The following CDH4 variants were observed in gnomAD, a reference collection of about 807,000 sequenced individuals.
CDH4 encodes cadherin-4.
Under a neutral mutation model 86.0 loss-of-function variants are expected in CDH4, and 33 were observed. The ratio of observed to expected loss-of-function variants is 0.38; its 90% CI spans 0.29 to 0.51. The LOEUF (loss-of-function observed/expected upper bound fraction) is 0.51, where lower values mean the gene tolerates loss of function less well. Among genes scored for constraint, CDH4 ranks in the 20% least tolerant of loss-of-function variants. The pLI is 0.86. For missense variants in CDH4, 1,114 were observed against 1,307.4 expected (o/e 0.85, Z 2.28); for synonymous variants, 555 against 549.4 (o/e 1.01, Z -0.14).
At chr20:61,654,304 A>G (rs1399385472) in intron 2 of CDH4, among the ~76,000 whole-genome samples, 1 of 152,200 alleles carries the variant, frequency 6.6e-6, no homozygotes, top group Non-Finnish European at 1.5e-5. Flanking sequence ...ACGCGCCTGC[A>G]ATCGCAAGCA....
intron 2 of CDH4, among the ~76,000 whole-genome samples, chr20:61,258,545 A>G (rs1018709717): frequency 1.3e-5 from 2 of 152,076 alleles, no homozygotes; most frequent in African/African-American, 4.8e-5. Flanking sequence ...TGAGGGTAAG[A>G]GCTCTGTCAT....
At chr20:61,472,217 C>T (rs984993590) in intron 2 of CDH4, among the ~76,000 whole-genome samples, 1 of 152,158 alleles carries the variant, frequency 6.6e-6, no homozygotes, top group Non-Finnish European at 1.5e-5. Context: ...ATAATTGTTA[C>T]AGCTGCTTGC....
intron 2 of CDH4, among the ~76,000 whole-genome samples, chr20:61,448,127 G>T (rs912692356): frequency 1.3e-5 from 2 of 152,232 alleles, no homozygotes; most frequent in African/African-American, 4.8e-5. Flanking sequence ...GGCTTTGCTG[G>T]TTTGTTTCAG....
intron 13 of CDH4, among the ~76,000 whole-genome samples, chr20:61,932,303 C>T (rs1315407505): frequency 6.6e-6 from 1 of 152,172 alleles, no homozygotes; most frequent in Non-Finnish European, 1.5e-5. Flanking sequence ...AAGAGGAGGG[C>T]GAGCTTGTAA....
chr20:61,857,625 C>T (rs1983077792), intron 6 of CDH4, among the ~76,000 whole-genome samples: 1 of 152,294 alleles, frequency 6.6e-6, no homozygotes, highest in African/African-American at 2.4e-5. Context: ...CCACTTTCGT[C>T]TGCTGCGTTG....
At chr20:61,713,434 T>C (rs1422445311) in intron 2 of CDH4, among the ~76,000 whole-genome samples, 1 of 152,360 alleles carries the variant, frequency 6.6e-6, no homozygotes, top group East Asian at 1.9e-4. Flanking sequence ...CTTTGTTTCT[T>C]AGCTTTGTTT....
intron 2 of CDH4, among the ~76,000 whole-genome samples, chr20:61,454,596 C>A (rs1388574085): frequency 1.3e-5 from 2 of 152,184 alleles, no homozygotes; most frequent in Non-Finnish European, 2.9e-5. Flanking sequence ...CAGGCGCCTG[C>A]CACCATAGCC....
intron 2 of CDH4, among the ~76,000 whole-genome samples, chr20:61,396,616 C>T (rs2085018764): frequency 6.6e-6 from 1 of 152,212 alleles, no homozygotes; most frequent in South Asian, 2.1e-4. Flanking sequence ...GCAGACCTGG[C>T]CCGGCTTCCT....
intron 2 of CDH4, among the ~76,000 whole-genome samples, chr20:61,733,673 G>A (rs1434019394): frequency 6.6e-6 from 1 of 151,826 alleles, no homozygotes; most frequent in East Asian, 1.9e-4. Context: ...AGGACACAGA[G>A]AAAGAGAGAA....
rs78601641 is a variant in CDH4 at position 61,902,159 on chromosome 20, G to A, written c.1188+7112G>A. 1.3e-5 allele frequency among the ~76,000 whole-genome samples: 2 copies of A among 152,224 alleles called. No individual in the cohort carries two copies. The highest frequency in any genetic ancestry group is 1.9e-4 in the East Asian group (1 of 5,196). ...GTTCAGTCCTTGGAGTTCCAGAATCGTGAAAGGCGGGTCCTCGGCAGGCGT... is the reference window on the plus strand; with the variant it reads ...GTTCAGTCCTTGGAGTTCCAGAATCATGAAAGGCGGGTCCTCGGCAGGCGT... On this transcript the variant is annotated intron_variant, in intron 8 of 15. Transcript: ENST00000614565. The surrounding 1 kb of genome is among the most constrained non-coding windows in gnomAD (Gnocchi z 4.6).
intron 2 of CDH4, among the ~76,000 whole-genome samples, chr20:61,405,493 C>T (rs959328728): frequency 7.2e-5 from 11 of 151,928 alleles, no homozygotes; most frequent in African/African-American, 2.4e-4. Flanking sequence ...TACAACGACG[C>T]GCTGTCACCG....
At chr20:61,315,444 C>T (rs577801933) in intron 2 of CDH4, among the ~76,000 whole-genome samples, 133 of 152,260 alleles carry the variant, frequency 8.7e-4, no homozygotes, top group Middle Eastern at 3.4e-3. Flanking sequence ...GCCAGCCAGC[C>T]TCAGACAGAT....
At chr20:61,636,031 A>T (rs1222983584) in intron 2 of CDH4, among the ~76,000 whole-genome samples, 2 of 152,224 alleles carry the variant, frequency 1.3e-5, no homozygotes, top group African/African-American at 4.8e-5. Flanking sequence ...GGCAGGCAGG[A>T]CGCCAGCGGC....
At chr20:61,729,055 C>A (rs1040608824) in intron 2 of CDH4, among the ~76,000 whole-genome samples, 1 of 152,200 alleles carries the variant, frequency 6.6e-6, no homozygotes, top group African/African-American at 2.4e-5. Context: ...GCCGTCCTCG[C>A]CCATGTGGGA....
At chr20:61,292,251 A>G (rs933237693) in intron 2 of CDH4, among the ~76,000 whole-genome samples, 3 of 152,242 alleles carry the variant, frequency 2.0e-5, no homozygotes, top group African/African-American at 7.2e-5. Context: ...CATCAGTGAC[A>G]GATTGGAGAA....
At position 61,703,872 on chromosome 20, in the gene CDH4, TATTA is replaced by T. The variant is rs769628994; in HGVS notation, c.170-39687_170-39684del. Among the ~76,000 whole-genome samples the T allele has an allele frequency of 6.6e-6, 1 of 152,224 alleles. No homozygotes were observed. The highest frequency in any genetic ancestry group is 1.5e-5 in the Non-Finnish European group (1 of 68,036). ...TTTACCTTGTATTTTCATTTGGAAA[TATTA>T]ATTGTGACCTTTCAGAACTCCCAAT... On this transcript the variant is annotated intron_variant, in intron 2 of 15. Transcript: ENST00000614565. This position sits in a 1 kb window ranked among gnomAD's most constrained non-coding sequence, Gnocchi z 4.3.
chr20:61,855,271 T>A (rs1298583364), intron 6 of CDH4, among the ~76,000 whole-genome samples: 1 of 152,108 alleles, frequency 6.6e-6, no homozygotes, highest in African/African-American at 2.4e-5. Flanking sequence ...GTGAACAGGG[T>A]GAATTGCACC....
At position 61,558,646 on chromosome 20, in the gene CDH4, G is replaced by T. The variant is rs530638561; in HGVS notation, c.170-184917G>T. Among the ~76,000 whole-genome samples the T allele has an allele frequency of 2.0e-4, 30 of 152,352 alleles. No homozygotes were observed. In the South Asian group the frequency reaches 2.5e-3, roughly 13 times the overall value. ...TGGTAGTGATCATGTTTTGAGAAAC[G>T]CTGCAGGCTCCATCACAAGAGCACA... On this transcript the variant is annotated intron_variant, in intron 2 of 15. Transcript: ENST00000614565.
At chr20:61,629,641 C>G (rs780245689) in intron 2 of CDH4, among the ~76,000 whole-genome samples, 1 of 152,186 alleles carries the variant, frequency 6.6e-6, no homozygotes, top group African/African-American at 2.4e-5. Context: ...TCACTTAAGG[C>G]GGCCGCGGTT....
Sources: allele counts gnomAD v4.1 joint callset (sites outside exome capture counted in the v4.1 genomes callset), GRCh38; gene constraint gnomAD v4.1.1; non-coding constraint Gnocchi (gnomAD v3.1); transcripts MANE v1.5; gene names NCBI Gene and HGNC (gene_info 2026-07-23, HGNC 2026-07-21).